Variants in SMURF1 observed in about 807,000 individuals in gnomAD.
The protein encoded by SMURF1 is E3 ubiquitin-protein ligase SMURF1.
In SMURF1, 44 loss-of-function variants were observed where a neutral mutation model predicts 98.0. The ratio of observed to expected loss-of-function variants is 0.45; its 90% CI spans 0.35 to 0.58. The LOEUF (loss-of-function observed/expected upper bound fraction) is 0.58, where lower values mean the gene tolerates loss of function less well. Ranked by LOEUF, SMURF1 falls within the 20% of genes least tolerant of loss-of-function variation. The pLI, the probability that SMURF1 is intolerant of heterozygous loss-of-function variation, is 0.00. For synonymous variants in SMURF1, 396 were observed against 374.9 expected, an observed-to-expected ratio of 1.06 and a Z score of -0.65; for missense variants, 687 against 938.4, an observed-to-expected ratio of 0.73 and a Z score of 3.50.
At chr7:99,059,186 T>A (rs1795957588) in intron 3 of SMURF1, among the ~76,000 whole-genome samples, 1 of 150,708 alleles carries the variant, frequency 6.6e-6, no homozygotes, top group Admixed American at 6.6e-5. Context: ...GATCACGAGG[T>A]CAGGAGATCG....
At chr7:99,054,346 A>G (rs543676441) in intron 6 of SMURF1, among the ~76,000 whole-genome samples, 2 of 152,150 alleles carry the variant, frequency 1.3e-5, no homozygotes, top group East Asian at 3.9e-4. Flanking sequence ...TTGCTCTGTC[A>G]CCCAGGCTGG....
chr7:99,092,448 T>C (rs1356454013), intron 1 of SMURF1, among the ~76,000 whole-genome samples: 3 of 152,240 alleles, frequency 2.0e-5, no homozygotes, highest in Admixed American at 6.5e-5. Context: ...CATTCACAGA[T>C]GTTTGCAGAG....
intron 17 of SMURF1, among the ~76,000 whole-genome samples, chr7:99,032,376 A>C (rs1380713225): frequency 3.3e-5 from 5 of 152,242 alleles, no homozygotes; most frequent in Non-Finnish European, 7.3e-5. Context: ...CAGCTTTAAA[A>C]AATAACATGA....
intron 1 of SMURF1, among the ~76,000 whole-genome samples, chr7:99,099,607 T>C (rs1437469184): frequency 1.3e-5 from 2 of 151,874 alleles, no homozygotes; most frequent in Non-Finnish European, 2.9e-5. Flanking sequence ...GTGGCAGCGG[T>C]GGGAGGTGGG....
At chr7:99,055,826 C>T (rs1795862503) in intron 5 of SMURF1, among the ~76,000 whole-genome samples, 1 of 152,076 alleles carries the variant, frequency 6.6e-6, no homozygotes, top group Non-Finnish European at 1.5e-5. Flanking sequence ...ATTACCCAGG[C>T]GTGGTGGCAA....
At position 99,052,341 on chromosome 7, in the gene SMURF1, G is replaced by C. The variant is rs201268508; in HGVS notation, c.585C>G (p.Cys195Trp). Residue 195 changes from cysteine to tryptophan, a missense_variant, in exon 7 of 18, where the codon TGC becomes TGG. Transcript: ENST00000361368. The stretch of plus-strand genomic sequence containing the variant: ...CTTGACTTGGGGACTCCACGAACCT[G>C]CAATTCCCTCCTCCAGCAGCAGCAC... The part of the protein sequence containing the change: ...STGAAAGGGN[C>W]RFVESPSQDQ... 893 of 1,612,596 alleles carry C rather than the reference G, an allele frequency of 5.5e-4. 2 individuals are homozygous for C. The highest frequency in any genetic ancestry group is 9.5e-4 in the Admixed American group (57 of 59,852).
At chr7:99,133,987 TGAGG>T (rs1797930623) in intron 1 of SMURF1, among the ~76,000 whole-genome samples, 2 of 152,066 alleles carry the variant, frequency 1.3e-5, no homozygotes. Flanking sequence ...GGGGTGCGGC[TGAGG>T]GAGGTAGAAA....
In SMURF1 at chr7:99,038,377, G is replaced by C. The variant is rs199690698; in HGVS notation, c.1688+11C>G. On this transcript the variant is annotated intron_variant, in intron 14 of 17. Coordinates refer to ENST00000361368, the MANE Select transcript of SMURF1 (RefSeq NM_181349.3). The stretch of plus-strand genomic sequence containing the variant: ...CCCAGGCACCTGGCCGTCCCCGACA[G>C]GTGGCATTACCGGACGTATTCTTTC... 6.2e-7 allele frequency: 1 copy of C among 1,613,504 alleles called. No individual in the cohort carries two copies. Among genetic ancestry groups the C allele is most frequent in the East Asian group, 2.2e-5 (1 of 44,872 alleles).
At chr7:99,121,143 T>C (rs1797607580) in intron 1 of SMURF1, 1 of 149,800 alleles carries the variant, frequency 6.7e-6, no homozygotes, top group Non-Finnish European at 1.5e-5. Context: ...ACCATCTACT[T>C]ACCAGTTCTG....
At chr7:99,125,248 TTTTG>T (rs1246381302) in intron 1 of SMURF1, among the ~76,000 whole-genome samples, 1 of 151,960 alleles carries the variant, frequency 6.6e-6, no homozygotes, top group African/African-American at 2.4e-5. Flanking sequence ...CTGGCTAATT[TTTTG>T]TTTTTGTTTT....
intron 12 of SMURF1, 80 bp downstream of exon 12, chr7:99,042,038 A>G (rs1486619802): frequency 8.8e-7 from 1 of 1,138,714 alleles, no homozygotes; most frequent in Non-Finnish European, 1.3e-6. Flanking sequence ...CAAATAGACC[A>G]AGGACTGAGA....
At chr7:99,052,157 T>G in intron 7 of SMURF1, 48 bp downstream of exon 7, 1 of 1,457,374 alleles carries the variant, frequency 6.9e-7, no homozygotes, top group Admixed American at 2.5e-5. Context: ...AGTCAACTCA[T>G]GGAAACAGGG....
rs1794816538 is a variant in SMURF1, at chr7:99,029,786, T to C, written c.*798A>G. The C allele has an allele frequency of 6.6e-6, 1 of 152,070 alleles. No homozygotes were observed. The highest frequency in any genetic ancestry group is 2.4e-5 in the African/African-American group (1 of 41,370). The allele number at this position is 152,070 out of a possible 1,614,324, so 9.4% of individuals were successfully genotyped here. ...TGGTTGGCTCTAGGGCTGATTTTGG[T>C]CTGCTCTTTCCTACACTCCATGACA... On this transcript the variant is annotated 3_prime_UTR_variant, in exon 18 of 18. Transcript: ENST00000361368.
intron 1 of SMURF1, among the ~76,000 whole-genome samples, chr7:99,085,782 T>G (rs1796666248): frequency 6.6e-6 from 1 of 152,200 alleles, no homozygotes. Flanking sequence ...CTTGGCAACT[T>G]CCAATCTTTT....
intron 15 of SMURF1, 151 bp from the exon 16 acceptor site, chr7:99,035,867 C>G (rs1048419865): frequency 1.3e-5 from 10 of 754,444 alleles, no homozygotes; most frequent in African/African-American, 3.5e-5. Context: ...AGGAAGAAAG[C>G]TACAAACAGG....
At chr7:99,143,327 G>A (rs575508316) in intron 1 of SMURF1, among the ~76,000 whole-genome samples, 68 of 140,798 alleles carry the variant, frequency 4.8e-4, no homozygotes, top group African/African-American at 1.7e-3. Flanking sequence ...GCAAGGGGCC[G>A]AGCCGGGGAG....
chr7:99,084,871 C>T (rs531369802), intron 1 of SMURF1, among the ~76,000 whole-genome samples: 55 of 152,214 alleles, frequency 3.6e-4, no homozygotes, highest in Non-Finnish European at 6.5e-4. Context: ...AGAGGTGATT[C>T]GATCATGGGG....
chr7:99,140,793 C>CTT (rs57050114), intron 1 of SMURF1, among the ~76,000 whole-genome samples: 6 of 146,466 alleles, frequency 4.1e-5, no homozygotes, highest in South Asian at 2.2e-4. Flanking sequence ...TTTTAACAGT[C>CTT]TTTTTTTTTT....
At chr7:99,072,603 A>C (rs1453675058) in intron 1 of SMURF1, among the ~76,000 whole-genome samples, 1 of 152,220 alleles carries the variant, frequency 6.6e-6, no homozygotes, top group African/African-American at 2.4e-5. Context: ...AGATTCTGCC[A>C]TTGGACTCCA....
Sources: allele counts gnomAD v4.1 joint callset (sites outside exome capture counted in the v4.1 genomes callset), GRCh38; gene constraint gnomAD v4.1.1; transcripts MANE v1.5; gene names NCBI Gene and HGNC (gene_info 2026-07-23, HGNC 2026-07-21).